CENPP: variants seen among roughly 807,000 people sequenced by gnomAD.
CENPP encodes the protein centromere protein P.
In CENPP, 24 loss-of-function variants were observed where a neutral mutation model predicts 35.6. That is an observed-to-expected ratio of 0.67 (90% confidence interval 0.49 to 0.95). The LOEUF (loss-of-function observed/expected upper bound fraction) is 0.95. Ranked by LOEUF, CENPP falls within the 40% of genes least tolerant of loss-of-function variation. The probability of loss-of-function intolerance (pLI) is 0.00; values close to 1 mark genes in which losing one functional copy is unlikely to be tolerated. For synonymous variants in CENPP, 120 were observed against 125.5 expected, an observed-to-expected ratio of 0.96 and a Z score of 0.29; for missense variants, 332 against 345.3, an observed-to-expected ratio of 0.96 and a Z score of 0.31.
At chr9:92,512,190 GGGCA>G in intron 5 of CENPP, 1 of 1,054,278 alleles carries the variant, frequency 9.5e-7, no homozygotes, top group Non-Finnish European at 1.4e-6. Context: ...ACACATGTAT[GGGCA>G]TGTGTGCATA....
intron 5 of CENPP, among the ~76,000 whole-genome samples, chr9:92,453,866 T>A (rs1291649548): frequency 6.6e-6 from 1 of 152,010 alleles, no homozygotes; most frequent in Non-Finnish European, 1.5e-5. Context: ...ACGCCTGTAA[T>A]CCCATCTACT....
At chr9:92,405,418 C>T (rs1156776877) in intron 5 of CENPP, among the ~76,000 whole-genome samples, 1 of 151,930 alleles carries the variant, frequency 6.6e-6, no homozygotes, top group Non-Finnish European at 1.5e-5. Context: ...GAAAGAATAA[C>T]AATTTGTTTT....
upstream of CENPP, chr9:92,325,784 A>G (rs945320703): frequency 9.4e-6 from 5 of 531,166 alleles, no homozygotes; most frequent in Admixed American, 1.1e-4. Context: ...CAGCCAGGGA[A>G]ACGTGTGCGG....
At chr9:92,554,888 G>A (rs191738893) in intron 5 of CENPP, among the ~76,000 whole-genome samples, 3 of 150,764 alleles carry the variant, frequency 2.0e-5, no homozygotes, top group East Asian at 4.0e-4. Context: ...CATCCGCCTC[G>A]GCCTCCCAAA....
chr9:92,533,721 C>G (rs189850092), intron 5 of CENPP, among the ~76,000 whole-genome samples: 2 of 152,118 alleles, frequency 1.3e-5, no homozygotes, highest in African/African-American at 4.8e-5. Flanking sequence ...TTGTAAAATT[C>G]TGTGCTCTTA....
intron 5 of CENPP, among the ~76,000 whole-genome samples, chr9:92,511,354 T>C (rs1847327340): frequency 7.6e-6 from 1 of 132,364 alleles, no homozygotes; most frequent in Admixed American, 7.0e-5. Context: ...CTCAAACTCC[T>C]GACCTCATGA....
intron 5 of CENPP, among the ~76,000 whole-genome samples, chr9:92,523,411 G>A (rs1443434430): frequency 6.6e-6 from 1 of 152,136 alleles, no homozygotes; most frequent in African/African-American, 2.4e-5. Context: ...ATATGTTGGG[G>A]ACCAGCCTCA....
At chr9:92,415,125 G>A (rs534575934) in intron 5 of CENPP, 10 of 1,525,984 alleles carry the variant, frequency 6.6e-6, no homozygotes, top group East Asian at 2.3e-5. Flanking sequence ...TTGTGAAGTC[G>A]TAAGTGTATA....
In CENPP at chr9:92,390,063, G is replaced by T. The variant is rs751452077; in HGVS notation, c.564+10204G>T. On this transcript the variant is annotated intron_variant, in intron 5 of 7. Coordinates refer to ENST00000375587, the MANE Select transcript of CENPP (RefSeq NM_001012267.3). ...TCGAGTCTTCTTAAGTTAGCTAGAG[G>T]GAAAAAAATATAAAAAACAACTACG... 4 of 1,510,070 alleles carry T rather than the reference G, an allele frequency of 2.6e-6. No individual in the cohort carries two copies. The South Asian group carries it at 4.8e-5, about 18-fold the overall frequency. 93.5% of individuals were successfully genotyped at this position (1,510,070 alleles called of 1,614,324 possible).
chr9:92,328,147 A>G (rs1346404115), intron 1 of CENPP, among the ~76,000 whole-genome samples: 1 of 152,092 alleles, frequency 6.6e-6, no homozygotes, highest in African/African-American at 2.4e-5. Context: ...AGTTCTTAGT[A>G]GATTATTTAT....
At chr9:92,403,455 T>A (rs936465842) in intron 5 of CENPP, 1 of 1,557,800 alleles carries the variant, frequency 6.4e-7, no homozygotes, top group Non-Finnish European at 8.7e-7. Flanking sequence ...AGTGGCCTGC[T>A]GACTGTGGGA....
chr9:92,522,606 A>G lies in CENPP; in HGVS notation c.565-88708A>G, dbSNP rs562112795. On this transcript the variant is annotated intron_variant, in intron 5 of 7. Transcript: ENST00000375587. ...ACACATTATAACTTGATTCTACTCC[A>G]GGAAAACTTGAAAAGGATTCAAACT... is the stretch of plus-strand genomic sequence containing the variant. 1.4e-4 allele frequency: 232 copies of G among 1,613,462 alleles called. 1 individual carries two copies. Among genetic ancestry groups the G allele is most frequent in the Non-Finnish European group, 1.3e-4 (158 of 1,179,758 alleles).
At chr9:92,469,169 C>T (rs758888826) in intron 5 of CENPP, among the ~76,000 whole-genome samples, 5 of 152,028 alleles carry the variant, frequency 3.3e-5, no homozygotes, top group African/African-American at 4.8e-5. Context: ...TCGGTGGAAT[C>T]CATTGTGTCA....
chr9:92,416,609 G>A (rs1200530762), intron 5 of CENPP: 1 of 1,446,474 alleles, frequency 6.9e-7, no homozygotes, highest in Non-Finnish European at 9.4e-7. Flanking sequence ...CACAATAAAA[G>A]TCTACATACT....
chr9:92,464,673 A>C, intron 5 of CENPP: 1 of 620,794 alleles, frequency 1.6e-6, no homozygotes. Flanking sequence ...AAAGAGAAGG[A>C]AAACTAAAAG....
At chr9:92,442,398 CAA>C (rs71362387) in intron 5 of CENPP, among the ~76,000 whole-genome samples, 174 of 74,478 alleles carry the variant, frequency 2.3e-3, no homozygotes, top group African/African-American at 6.6e-3. Context: ...AACTCTGTCT[CAA>C]AAAAAAAAAA....
At chr9:92,588,551 C>A (rs1850595787) in intron 5 of CENPP, among the ~76,000 whole-genome samples, 1 of 151,846 alleles carries the variant, frequency 6.6e-6, no homozygotes, top group South Asian at 2.1e-4. Context: ...CTGTGCCCGG[C>A]CAGCTGTGAG....
At chr9:92,495,057 C>G (rs1459564857) in intron 5 of CENPP, among the ~76,000 whole-genome samples, 1 of 152,202 alleles carries the variant, frequency 6.6e-6, no homozygotes, top group Admixed American at 6.5e-5. Flanking sequence ...CCACACCATA[C>G]TTTCCAAAAT....
At chr9:92,330,074 C>T (rs1442128595) in intron 1 of CENPP, among the ~76,000 whole-genome samples, 7 of 152,006 alleles carry the variant, frequency 4.6e-5, no homozygotes, top group Non-Finnish European at 1.0e-4. Flanking sequence ...GGTATAAGGT[C>T]ATAAGAGCAT....
Sources: gnomAD v4.1 joint callset for allele counts (sites outside exome capture counted in the v4.1 genomes callset) on GRCh38, gnomAD v4.1.1 for gene constraint, MANE v1.5 for transcripts, NCBI Gene and HGNC (gene_info 2026-07-23, HGNC 2026-07-21) for gene names.